Variants in AHI1 observed in about 807,000 individuals in gnomAD.
AHI1 encodes Abelson helper integration site 1.
In AHI1, 123 loss-of-function variants were observed where a neutral mutation model predicts 149.3. The observed-to-expected ratio is 0.82, with a 90% CI of 0.71 to 0.96. The LOEUF is 0.96. Ranked by LOEUF, AHI1 falls within the 40% of genes least tolerant of loss-of-function variation. AHI1 has a pLI of 0.00. For missense variants in AHI1, 1,439 were observed against 1,422.7 expected (o/e 1.01, Z -0.18); for synonymous variants, 475 against 459.8 (o/e 1.03, Z -0.42).
intron 26 of AHI1, chr6:135,301,973 T>C: frequency 1.0e-6 from 1 of 985,062 alleles, no homozygotes; most frequent in Non-Finnish European, 1.2e-6. Context: ...AGCAGTCAAA[T>C]TAAATGTGAA....
At chr6:135,366,956 GC>G in intron 23 of AHI1, among the ~76,000 whole-genome samples, 1 of 152,286 alleles carries the variant, frequency 6.6e-6, no homozygotes, top group Admixed American at 6.5e-5. Context: ...CTGTATCCCA[GC>G]AGTTTTGACA....
At chr6:135,334,589 T>A (rs1789089627) in intron 24 of AHI1, among the ~76,000 whole-genome samples, 1 of 152,220 alleles carries the variant, frequency 6.6e-6, no homozygotes, top group African/African-American at 2.4e-5. Context: ...TACTTTATTA[T>A]AAGAAATAAT....
Position 135,482,894 on chromosome 6 carries a change from C to CTTGTTTTTTTTTTTTTTTTTT in AHI1, c.135+7728_135+7729insAAAAAAAAAAAAAAAAAACAA, listed in dbSNP as rs1793900577. ...TTCAACCAGTATAATCCATTTAAGG[C>CTTGTTTTTTTTTTTTTTTTTT]TTTTTTTTTTTTTTTGAGACAGAGT... On this transcript the variant is annotated intron_variant, in intron 5 of 28. Transcript: ENST00000265602. 9.0e-5 allele frequency among the ~76,000 whole-genome samples: 5 copies of CTTGTTTTTTTTTTTTTTTTTT among 55,734 alleles called. 1 individual carries two copies. The highest frequency in any genetic ancestry group is 1.4e-4 in the Non-Finnish European group (5 of 35,358). 36.6% of individuals were successfully genotyped at this position (55,734 alleles called of 152,430 possible).
intron 24 of AHI1, among the ~76,000 whole-genome samples, chr6:135,352,452 T>A (rs1041933891): frequency 1.3e-5 from 2 of 152,048 alleles, no homozygotes; most frequent in Admixed American, 1.3e-4. Context: ...AAAAATCCCA[T>A]CCTTTCATGA....
intron 28 of AHI1, among the ~76,000 whole-genome samples, chr6:135,288,206 T>TG (rs1168374769): frequency 6.6e-6 from 1 of 152,002 alleles, no homozygotes; most frequent in African/African-American, 2.4e-5. Flanking sequence ...CCAGGCTAAG[T>TG]GCAGGGGAGG....
chr6:135,450,725 G>A (rs149755379), intron 11 of AHI1, among the ~76,000 whole-genome samples: 8 of 152,234 alleles, frequency 5.3e-5, no homozygotes, highest in African/African-American at 1.9e-4. Flanking sequence ...CTTAGCCTGA[G>A]TAAACAACTA....
intron 20 of AHI1, among the ~76,000 whole-genome samples, chr6:135,421,610 A>C (rs1225113807): frequency 3.9e-5 from 6 of 152,068 alleles, no homozygotes; most frequent in Non-Finnish European, 8.8e-5. Flanking sequence ...GTTGTTGTCT[A>C]TTTTACATCA....
At chr6:135,324,827 C>CT (rs1787405539) in intron 24 of AHI1, among the ~76,000 whole-genome samples, 1 of 151,876 alleles carries the variant, frequency 6.6e-6, no homozygotes, top group Non-Finnish European at 1.5e-5. Flanking sequence ...TTTCTGATAC[C>CT]TTTTAATCCA....
intron 8 of AHI1, among the ~76,000 whole-genome samples, chr6:135,462,423 T>C (rs572032079): frequency 6.6e-6 from 1 of 152,046 alleles, no homozygotes; most frequent in African/African-American, 2.4e-5. Context: ...GAGGATACCA[T>C]GTTGGACAGG....
At chr6:135,344,334 T>A (rs1790833583) in intron 24 of AHI1, among the ~76,000 whole-genome samples, 1 of 151,582 alleles carries the variant, frequency 6.6e-6, no homozygotes, top group African/African-American at 2.4e-5. Flanking sequence ...AAGTCAATAA[T>A]AAACAGGTTA....
At chr6:135,477,835 T>C (rs559175050) in intron 5 of AHI1, among the ~76,000 whole-genome samples, 1 of 152,296 alleles carries the variant, frequency 6.6e-6, no homozygotes, top group African/African-American at 2.4e-5. Flanking sequence ...CTCCGCTCTG[T>C]TGCCCAGGCT....
intron 22 of AHI1, among the ~76,000 whole-genome samples, chr6:135,399,748 T>C (rs1049357363): frequency 1.1e-4 from 17 of 151,644 alleles, no homozygotes; most frequent in Admixed American, 6.6e-4. Flanking sequence ...TTTACTTTCT[T>C]AGGGAAAGCC....
At chr6:135,384,474 T>G (rs942746098) in intron 23 of AHI1, among the ~76,000 whole-genome samples, 11 of 152,200 alleles carry the variant, frequency 7.2e-5, no homozygotes, top group African/African-American at 2.4e-4. Flanking sequence ...TAAATACAAA[T>G]GCCTCTGACC....
intron 21 of AHI1, among the ~76,000 whole-genome samples, chr6:135,406,188 A>G (rs748391112): frequency 2.0e-5 from 3 of 152,212 alleles, no homozygotes; most frequent in Non-Finnish European, 4.4e-5. Context: ...CCTTGAGAAC[A>G]TCGGTATATC....
chr6:135,349,833 T>G (rs1226103634), intron 24 of AHI1, among the ~76,000 whole-genome samples: 4 of 152,206 alleles, frequency 2.6e-5, no homozygotes, highest in Non-Finnish European at 4.4e-5. Context: ...CTTTTGTCAT[T>G]CTAGCAATTA....
chr6:135,292,712 C>T (rs936345543), intron 27 of AHI1, among the ~76,000 whole-genome samples: 3 of 151,904 alleles, frequency 2.0e-5, no homozygotes, highest in Non-Finnish European at 2.9e-5. Context: ...ACTTAAAATC[C>T]GTAATTAAAA....
chr6:135,447,093 C>CG lies in AHI1; in HGVS notation c.1693dup (p.Arg565ProfsTer4), dbSNP rs1787362650. On this transcript the variant is annotated frameshift_variant, in exon 13 of 29. Coordinates refer to ENST00000265602, the MANE Select transcript of AHI1 (RefSeq NM_001134831.2). LOFTEE classifies it high-confidence loss of function. Reference sequence around the variant, plus strand: ...GTCTACTGAGCTTGACTCATGGTGACGTTCACAATGCACTGGTTTACCTTT... The same window carrying CG: ...GTCTACTGAGCTTGACTCATGGTGACGGTTCACAATGCACTGGTTTACCTTT... 6.2e-7 allele frequency: 1 copy of CG among 1,611,840 alleles called. No homozygotes were observed. Among genetic ancestry groups the CG allele is most frequent in the Non-Finnish European group, 8.5e-7 (1 of 1,178,758 alleles).
intron 24 of AHI1, among the ~76,000 whole-genome samples, chr6:135,329,018 G>A (rs1788134522): frequency 6.6e-6 from 1 of 152,176 alleles, no homozygotes; most frequent in Admixed American, 6.5e-5. Flanking sequence ...GCTGAGAAAC[G>A]TGAGGAAGCT....
At chr6:135,388,900 T>C (rs1023142496) in intron 23 of AHI1, among the ~76,000 whole-genome samples, 2 of 151,852 alleles carry the variant, frequency 1.3e-5, no homozygotes, top group African/African-American at 4.9e-5. Flanking sequence ...CAATCCCAGC[T>C]ACTCAGGAGG....
Sources: allele counts gnomAD v4.1 joint callset (sites outside exome capture counted in the v4.1 genomes callset), GRCh38; gene constraint gnomAD v4.1.1; transcripts MANE v1.5; gene names NCBI Gene and HGNC (gene_info 2026-07-23, HGNC 2026-07-21).